FHIT: variants seen among roughly 807,000 people sequenced by gnomAD.
The protein encoded by FHIT is fragile histidine triad diadenosine triphosphatase.
In FHIT, 19 loss-of-function variants were observed where a neutral mutation model predicts 17.9. The observed-to-expected ratio is 1.06, with a 90% CI of 0.74 to 1.56. The LOEUF (loss-of-function observed/expected upper bound fraction) is 1.56. FHIT is among the 40% of genes most tolerant of loss of function. FHIT has a pLI of 0.00. For missense variants in FHIT, 248 were observed against 189.2 expected (o/e 1.31, Z -1.82); for synonymous variants, 81 against 69.7 (o/e 1.16, Z -0.81).
chr3:60,790,484 T>G (rs781905798), intron 4 of FHIT, among the ~76,000 whole-genome samples: 8 of 152,156 alleles, frequency 5.3e-5, no homozygotes, highest in Non-Finnish European at 1.2e-4. Context: ...GTCTCCTGAG[T>G]TATCACAACA....
intron 3 of FHIT, among the ~76,000 whole-genome samples, chr3:60,934,240 G>A (rs1406570912): frequency 2.0e-5 from 3 of 151,876 alleles, no homozygotes; most frequent in African/African-American, 7.3e-5. Context: ...GAAATTCATG[G>A]GCGAATGTGT....
intron 4 of FHIT, among the ~76,000 whole-genome samples, chr3:60,821,351 G>A (rs1436311840): frequency 6.6e-6 from 1 of 152,110 alleles, no homozygotes; most frequent in Non-Finnish European, 1.5e-5. Flanking sequence ...CTAACGTAAA[G>A]CCTCTTTGTA....
At chr3:60,688,225 T>C (rs1166030651) in intron 4 of FHIT, among the ~76,000 whole-genome samples, 3 of 152,162 alleles carry the variant, frequency 2.0e-5, no homozygotes, top group Non-Finnish European at 2.9e-5. Context: ...ACAGGGGAAA[T>C]GTCATTCCTA....
intron 5 of FHIT, among the ~76,000 whole-genome samples, chr3:60,468,556 C>G (rs760216747): frequency 1.3e-5 from 2 of 151,972 alleles, no homozygotes; most frequent in African/African-American, 4.8e-5. Flanking sequence ...ATTGCATAAA[C>G]AATTAAACTA....
intron 2 of FHIT, among the ~76,000 whole-genome samples, chr3:61,132,980 T>C (rs760101291): frequency 1.3e-5 from 2 of 152,086 alleles, no homozygotes; most frequent in African/African-American, 2.4e-5. Context: ...GAACAGAATA[T>C]AGAAAACAGG....
chr3:60,218,745 A>C (rs1370162441), intron 5 of FHIT, among the ~76,000 whole-genome samples: 2 of 152,094 alleles, frequency 1.3e-5, no homozygotes, highest in Non-Finnish European at 2.9e-5. Flanking sequence ...AATCAGCCTT[A>C]GTTACTATTA....
rs1035012379 is a variant in FHIT, at chr3:59,868,006, T to G, written c.348+54340A>C. Reference sequence around the variant, plus strand: ...ACTCTTAGCTAATGTTCTTTTGGGCTTAATGAATGAACTACTGCTGTGGAA... The same window carrying G: ...ACTCTTAGCTAATGTTCTTTTGGGCGTAATGAATGAACTACTGCTGTGGAA... On this transcript the variant is annotated intron_variant, in intron 8 of 9. Transcript: ENST00000492590. 5.7e-5 allele frequency among the ~76,000 whole-genome samples: 8 copies of G among 141,388 alleles called. 1 individual carries two copies. Among genetic ancestry groups the G allele is most frequent in the Admixed American group, 4.2e-4 (6 of 14,134 alleles). 92.8% of individuals were successfully genotyped at this position (141,388 alleles called of 152,430 possible).
chr3:60,139,274 C>A (rs1699936550), intron 5 of FHIT, among the ~76,000 whole-genome samples: 1 of 152,104 alleles, frequency 6.6e-6, no homozygotes, highest in African/African-American at 2.4e-5. Context: ...ATCAGATTTG[C>A]CATCCCATAG....
At chr3:59,939,898 T>C (rs1179234611) in intron 7 of FHIT, among the ~76,000 whole-genome samples, 1 of 152,152 alleles carries the variant, frequency 6.6e-6, no homozygotes, top group Non-Finnish European at 1.5e-5. Flanking sequence ...ATGTGTAAAG[T>C]GCGCTCCATG....
chr3:60,408,627 C>G (rs4468937), intron 5 of FHIT, among the ~76,000 whole-genome samples: 142,511 of 152,230 alleles, frequency 0.94, 67,082 homozygotes, highest in East Asian at 1. Context: ...GAAATGTTGA[C>G]GGTTAAGAGG....
At chr3:60,110,746 A>G (rs1309164921) in intron 5 of FHIT, among the ~76,000 whole-genome samples, 2 of 152,224 alleles carry the variant, frequency 1.3e-5, no homozygotes, top group Non-Finnish European at 2.9e-5. Context: ...TTCAATTACC[A>G]TTAAGGTTGA....
intron 5 of FHIT, among the ~76,000 whole-genome samples, chr3:60,521,972 GT>G (rs1389817382): frequency 6.6e-6 from 1 of 152,082 alleles, no homozygotes; most frequent in Non-Finnish European, 1.5e-5. Context: ...GCCTCTGTGT[GT>G]AAGTGATGAC....
chr3:60,924,777 T>C (rs564790589), intron 3 of FHIT, among the ~76,000 whole-genome samples: 1 of 152,074 alleles, frequency 6.6e-6, no homozygotes, highest in Non-Finnish European at 1.5e-5. Context: ...AGGAGGAAGT[T>C]TGAACCCATG....
chr3:60,026,452 T>G (rs991863659), intron 5 of FHIT, among the ~76,000 whole-genome samples: 1 of 152,144 alleles, frequency 6.6e-6, no homozygotes, highest in Non-Finnish European at 1.5e-5. Context: ...TCTTCATTCA[T>G]CTCATGTTTA....
At chr3:59,943,478 T>C (rs1706635882) in intron 7 of FHIT, among the ~76,000 whole-genome samples, 1 of 152,054 alleles carries the variant, frequency 6.6e-6, no homozygotes, top group Non-Finnish European at 1.5e-5. Flanking sequence ...CTGCATGGAG[T>C]ATGACAAGAG....
intron 5 of FHIT, among the ~76,000 whole-genome samples, chr3:60,038,011 G>C (rs1701290291): frequency 6.6e-6 from 1 of 152,238 alleles, no homozygotes; most frequent in South Asian, 2.1e-4. Flanking sequence ...ACTGTACCTT[G>C]CCTCAGAGCT....
chr3:60,460,720 A>G (rs1378287724), intron 5 of FHIT, among the ~76,000 whole-genome samples: 1 of 152,220 alleles, frequency 6.6e-6, no homozygotes. Context: ...TCAAAGCATT[A>G]AAGTTTAATT....
chr3:60,136,713 A>G (rs1255706120), intron 5 of FHIT, among the ~76,000 whole-genome samples: 1 of 152,152 alleles, frequency 6.6e-6, no homozygotes, highest in Non-Finnish European at 1.5e-5. Context: ...AGTTGTTAAG[A>G]CCGCACATTG....
chr3:60,922,920 T>A (rs1707359459), intron 3 of FHIT, among the ~76,000 whole-genome samples: 1 of 152,262 alleles, frequency 6.6e-6, no homozygotes, highest in African/African-American at 2.4e-5. Flanking sequence ...GCATGTGGTA[T>A]AACTAGTATA....
Sources: allele counts gnomAD v4.1 joint callset (sites outside exome capture counted in the v4.1 genomes callset), GRCh38; gene constraint gnomAD v4.1.1; transcripts MANE v1.5; gene names NCBI Gene and HGNC (gene_info 2026-07-23, HGNC 2026-07-21).